CEP350: variants seen among roughly 807,000 people sequenced by gnomAD.
CEP350 encodes the protein centrosomal protein 350.
Under a neutral mutation model 331.8 loss-of-function variants are expected in CEP350, and 126 were observed. That is an observed-to-expected ratio of 0.38 (90% confidence interval 0.33 to 0.44). The LOEUF (loss-of-function observed/expected upper bound fraction) is 0.44, where lower values mean the gene tolerates loss of function less well. Among genes scored for constraint, CEP350 ranks in the 20% least tolerant of loss-of-function variants. The pLI, the probability that CEP350 is intolerant of heterozygous loss-of-function variation, is 1.00. For synonymous variants in CEP350, 1,200 were observed against 1,259.5 expected, an observed-to-expected ratio of 0.95 and a Z score of 1.00; for missense variants, 3,406 against 3,634.6, an observed-to-expected ratio of 0.94 and a Z score of 1.62.
intron 1 of CEP350, among the ~76,000 whole-genome samples, chr1:179,962,504 G>A (rs1336130061): frequency 6.6e-6 from 1 of 152,104 alleles, no homozygotes; most frequent in East Asian, 1.9e-4. Flanking sequence ...CCGCCTCCCG[G>A]GTCCAAGCAA....
intron 37 of CEP350, among the ~76,000 whole-genome samples, chr1:180,102,134 A>ATT (rs750296355): frequency 8.2e-5 from 11 of 133,910 alleles, no homozygotes; most frequent in Admixed American, 1.5e-4. Flanking sequence ...CACCCTTGAC[A>ATT]TTTTTTTTTT....
chr1:180,077,159 G>C (rs1223117930), intron 28 of CEP350, among the ~76,000 whole-genome samples: 2 of 152,080 alleles, frequency 1.3e-5, no homozygotes, highest in Non-Finnish European at 2.9e-5. Flanking sequence ...CAGTTAATAA[G>C]TGAGCTTAGC....
At chr1:180,107,834 AC>A (rs1487843733) in intron 37 of CEP350, among the ~76,000 whole-genome samples, 1 of 150,930 alleles carries the variant, frequency 6.6e-6, no homozygotes, top group Non-Finnish European at 1.5e-5. Context: ...TCCCAAAAAA[AC>A]AAAACAAAAC....
chr1:180,031,881 G>A (rs902362348), intron 15 of CEP350, among the ~76,000 whole-genome samples: 2 of 152,056 alleles, frequency 1.3e-5, no homozygotes, highest in African/African-American at 2.4e-5. Context: ...TACTTGAAGT[G>A]TTTTCACTGG....
chr1:179,990,511 G>A lies in CEP350; in HGVS notation c.125G>A (p.Arg42Lys), dbSNP rs1211340913. 6 of 1,561,044 alleles carry A rather than the reference G, an allele frequency of 3.8e-6. No homozygotes were observed. The South Asian group carries it at 7.0e-5, about 18-fold the overall frequency. Residue 42 changes from arginine to lysine, a missense_variant, in exon 4 of 38, where the codon AGA (arginine) becomes AAA (lysine). This residue lies in a region of CEP350 where 1,857 missense variants were observed against 1,909.2 expected (regional missense o/e 0.97). Transcript: ENST00000367607. ...DALSQTKAAL[R>K]HIENKLEVAP... ...ATGATGGTGTTTAAACTTTAGCTGAGACACATTGAAAATAAATTAGAAGTA... is the reference window on the plus strand; with the variant it reads ...ATGATGGTGTTTAAACTTTAGCTGAAACACATTGAAAATAAATTAGAAGTA...
intron 17 of CEP350, among the ~76,000 whole-genome samples, chr1:180,037,823 G>A (rs1656474415): frequency 6.6e-6 from 1 of 151,996 alleles, no homozygotes; most frequent in Non-Finnish European, 1.5e-5. Context: ...CTAATTTTTT[G>A]TATTTTTACT....
At chr1:180,063,186 CT>C (rs35572192) in intron 26 of CEP350, among the ~76,000 whole-genome samples, 12,958 of 106,686 alleles carry the variant, frequency 0.12, 467 homozygotes, top group African/African-American at 0.23. Context: ...AAATTTGAAA[CT>C]TTTTTTTTTT....
chr1:180,094,107 G>T lies in CEP350; in HGVS notation c.8002G>T (p.Asp2668Tyr), dbSNP rs1196490603. 1 of 1,613,774 alleles carries T rather than the reference G, an allele frequency of 6.2e-7. No individual in the cohort carries two copies. Among genetic ancestry groups the T allele is most frequent in the African/African-American group, 1.3e-5 (1 of 74,928 alleles). Reference protein sequence around the residue: ...DSQISSKENKDLISDATEKVS... With the variant: ...DSQISSKENKYLISDATEKVS... ...ACAGATTTCTTCAAAGGAAAACAAA[G>T]ACCTCATTTCTGATGCCACAGAAAA... is the stretch of plus-strand genomic sequence containing the variant. Residue 2668 changes from aspartate (D) to tyrosine (Y), a missense_variant, in exon 34 of 38, where the codon GAC becomes TAC. By Grantham distance (160) the Asp-to-Tyr change is radical. This residue lies in a region of CEP350 where 1,415 missense variants were observed against 1,512.3 expected (regional missense o/e 0.94). Coordinates refer to ENST00000367607, the MANE Select transcript of CEP350 (RefSeq NM_014810.5).
intron 15 of CEP350, 28 bp downstream of exon 15, chr1:180,031,522 T>C: frequency 9.2e-7 from 1 of 1,085,466 alleles, no homozygotes; most frequent in Non-Finnish European, 1.2e-6. Context: ...CTGTAATTTA[T>C]ATATAATTAA....
intron 5 of CEP350, among the ~76,000 whole-genome samples, chr1:179,994,401 A>G (rs1421993188): frequency 6.6e-6 from 1 of 151,708 alleles, no homozygotes; most frequent in Non-Finnish European, 1.5e-5. Context: ...TGGTAGCTAC[A>G]GGACTCATTT....
chr1:179,989,201 G>T (rs976290793), intron 3 of CEP350, among the ~76,000 whole-genome samples: 1 of 151,696 alleles, frequency 6.6e-6, no homozygotes, highest in East Asian at 1.9e-4. Context: ...GCCTGTAATC[G>T]CAGCACTTTG....
intron 27 of CEP350, 49 bp from the exon 28 acceptor site, chr1:180,074,973 C>G: frequency 6.6e-7 from 1 of 1,504,162 alleles, no homozygotes. Context: ...AAAGTGATCT[C>G]TGCATATAGG....
rs1661450941 is a variant in CEP350 at position 180,111,128 on chromosome 1, C to G, written c.9321C>G (p.Ile3107Met). Reference protein sequence around the residue: ...IKDTIDVLNQISEKQGRMLLV With the variant: ...IKDTIDVLNQMSEKQGRMLLV ...ATACTATTGATGTTCTGAATCAGAT[C>G]AGTGAAAAGCAGGGGAGAATGCTAC... Residue 3107 changes from isoleucine (I) to methionine (M), a missense_variant, in exon 38 of 38, where the codon ATC (isoleucine) becomes ATG (methionine). By Grantham distance (10) the Ile-to-Met change is conservative. Around this residue, in one of 5 missense-constraint regions of CEP350, gnomAD observed 29 missense variants for 52.8 expected, o/e 0.55. Coordinates refer to ENST00000367607, the MANE Select transcript of CEP350 (RefSeq NM_014810.5). 1 of 1,613,944 alleles carries G rather than the reference C, an allele frequency of 6.2e-7. No homozygotes were observed. Among genetic ancestry groups the G allele is most frequent in the South Asian group, 1.1e-5 (1 of 91,082 alleles).
At chr1:180,009,558 A>G (rs1558096735) in intron 8 of CEP350, among the ~76,000 whole-genome samples, 2 of 152,090 alleles carry the variant, frequency 1.3e-5, no homozygotes, top group Non-Finnish European at 2.9e-5. Flanking sequence ...TTTTTAACCA[A>G]TGACCGTGTG....
In CEP350 at chr1:180,093,092, G is replaced by T. The variant is rs1173662168; in HGVS notation, c.6987G>T (p.Leu2329Phe). 20 of 1,604,026 alleles carry T rather than the reference G, an allele frequency of 1.2e-5. No homozygotes were observed. The East Asian group carries it at 4.2e-4, about 34-fold the overall frequency. The stretch of plus-strand genomic sequence containing the variant: ...ATCTCCATAAAAGTGAGGAAATGTT[G>T]AAAGAGAGACAGTCAGATCAAGATA... ...IENLHKSEEM[L>F]KERQSDQDMN... Residue 2329 changes from leucine to phenylalanine, a missense_variant, in exon 34 of 38, where the codon TTG becomes TTT. By Grantham distance (22) the Leu-to-Phe change is conservative (BLOSUM62 0). Around this residue, in one of 5 missense-constraint regions of CEP350, gnomAD observed 1,415 missense variants for 1,512.3 expected, o/e 0.94. Coordinates refer to ENST00000367607, the MANE Select transcript of CEP350 (RefSeq NM_014810.5).
At chr1:179,960,184 ACCCACCCACC>A (rs1650485272) in intron 1 of CEP350, among the ~76,000 whole-genome samples, 1 of 75,526 alleles carries the variant, frequency 1.3e-5, no homozygotes, top group South Asian at 6.1e-4. Flanking sequence ...ACACACACCC[ACCCACCCACC>A]CACATTCACT....
At chr1:180,074,641 GT>G (rs796635893) in intron 27 of CEP350, among the ~76,000 whole-genome samples, 25 of 152,230 alleles carry the variant, frequency 1.6e-4, no homozygotes, top group African/African-American at 6.0e-4. Flanking sequence ...GGTTTTGTGT[GT>G]TTTCTGGTCT....
rs767969071 is a variant in CEP350 at position 180,094,392 on chromosome 1, G to A, written c.8287G>A (p.Val2763Ile). 6.2e-7 allele frequency: 1 copy of A among 1,613,748 alleles called. No homozygotes were observed. Among genetic ancestry groups the A allele is most frequent in the South Asian group, 1.1e-5 (1 of 91,062 alleles). Residue 2763 changes from valine to isoleucine, a missense_variant, in exon 34 of 38, where the codon GTA (valine) becomes ATA (isoleucine). By Grantham distance (29) the Val-to-Ile change is conservative. Coordinates refer to ENST00000367607, the MANE Select transcript of CEP350 (RefSeq NM_014810.5). ...GACAGACAGTTTACTAAAAGTCTTT[G>A]TAAAGGACACAGTCAATCAACTACA... ...LLTDSLLKVF[V>I]KDTVNQLQQI...
chr1:180,007,366 A>G (rs1038362494), intron 8 of CEP350, among the ~76,000 whole-genome samples: 3 of 151,946 alleles, frequency 2.0e-5, no homozygotes, highest in Non-Finnish European at 4.4e-5. Flanking sequence ...ACCAGTGATG[A>G]TGGGTTTTTT....
Sources: allele counts gnomAD v4.1 joint callset (sites outside exome capture counted in the v4.1 genomes callset), GRCh38; gene constraint gnomAD v4.1.1; regional missense constraint gnomAD v4.1.1; transcripts MANE v1.5; gene names NCBI Gene and HGNC (gene_info 2026-07-23, HGNC 2026-07-21).